Variants in FAXC observed in about 807,000 individuals in gnomAD.
FAXC encodes failed axon connections homolog, metaxin like GST domain containing, also known as failed axon connections homolog.
In FAXC, 10 loss-of-function variants were observed where a neutral mutation model predicts 41.9. That is an observed-to-expected ratio of 0.24 (90% CI 0.15 to 0.41). The LOEUF (loss-of-function observed/expected upper bound fraction) is 0.41, where lower values mean the gene tolerates loss of function less well. FAXC is among the 10% of genes least tolerant of loss of function. FAXC has a pLI of 1.00. For synonymous variants in FAXC, 183 were observed against 183.8 expected, an observed-to-expected ratio of 1.00 and a Z score of 0.03; for missense variants, 399 against 510.9, an observed-to-expected ratio of 0.78 and a Z score of 2.11.
At position 99,280,928 on chromosome 6, in the gene FAXC, G is replaced by C; in HGVS notation, c.*236C>G. On this transcript the variant is annotated 3_prime_UTR_variant, in exon 6 of 6. Coordinates refer to ENST00000389677, the MANE Select transcript of FAXC (RefSeq NM_032511.4). Reference sequence around the variant, plus strand: ...TAGTTTTCTAATGAAAACAAAAATGGATTTCAGGAACCATGCTGACATTAT... The same window carrying C: ...TAGTTTTCTAATGAAAACAAAAATGCATTTCAGGAACCATGCTGACATTAT... 2.2e-6 allele frequency: 1 copy of C among 450,998 alleles called. No homozygotes were observed. The highest frequency in any genetic ancestry group is 3.2e-5 in the South Asian group (1 of 31,396). 27.9% of individuals were successfully genotyped at this position (450,998 alleles called of 1,614,324 possible). A position where few individuals can be genotyped will look rare whatever the true frequency, so the allele number is the denominator to read the frequency against.
intron 4 of FAXC, among the ~76,000 whole-genome samples, chr6:99,292,607 G>A (rs1038551079): frequency 6.6e-6 from 1 of 152,174 alleles, no homozygotes; most frequent in African/African-American, 2.4e-5. Context: ...CTCACATCCT[G>A]GCATCACCGT....
At chr6:99,334,635 T>C (rs1276769380) in intron 2 of FAXC, 1 of 977,734 alleles carries the variant, frequency 1.0e-6, no homozygotes, top group Admixed American at 6.2e-5. Context: ...CAGATTTCTC[T>C]TGATGCCATC....
intron 4 of FAXC, among the ~76,000 whole-genome samples, chr6:99,298,043 GC>G (rs1456994892): frequency 6.6e-6 from 1 of 152,166 alleles, no homozygotes; most frequent in Non-Finnish European, 1.5e-5. Flanking sequence ...TGTTTAACAA[GC>G]TTTCGGGTCA....
chr6:99,288,307 T>C (rs1036920876), intron 5 of FAXC, among the ~76,000 whole-genome samples: 1 of 152,124 alleles, frequency 6.6e-6, no homozygotes, highest in African/African-American at 2.4e-5. Context: ...TAGGGATGTG[T>C]TTGGGTAGAA....
intron 4 of FAXC, among the ~76,000 whole-genome samples, chr6:99,322,210 C>T (rs1772619093): frequency 6.6e-6 from 1 of 152,146 alleles, no homozygotes; most frequent in Non-Finnish European, 1.5e-5. Context: ...AGCCCCCACC[C>T]CCAGAACATA....
chr6:99,311,492 T>C (rs1266665230), intron 4 of FAXC, among the ~76,000 whole-genome samples: 1 of 152,188 alleles, frequency 6.6e-6, no homozygotes, highest in Non-Finnish European at 1.5e-5. Flanking sequence ...GGAGAATTGC[T>C]TGAACTTGGG....
intron 5 of FAXC, among the ~76,000 whole-genome samples, chr6:99,285,210 A>ACATTTAGTACT (rs1441970789): frequency 6.6e-6 from 1 of 152,164 alleles, no homozygotes; most frequent in Non-Finnish European, 1.5e-5. Context: ...ACTCTATTCA[A>ACATTTAGTACT]CTATAATAAA....
chr6:99,298,660 A>G (rs1407562313), intron 4 of FAXC, among the ~76,000 whole-genome samples: 1 of 152,182 alleles, frequency 6.6e-6, no homozygotes, highest in Non-Finnish European at 1.5e-5. Flanking sequence ...TCTGGTACCT[A>G]TCACATAGGA....
intron 4 of FAXC, among the ~76,000 whole-genome samples, chr6:99,314,929 T>C (rs893056767): frequency 1.9e-4 from 29 of 152,234 alleles, no homozygotes; most frequent in South Asian, 2.1e-4. Flanking sequence ...TCTTTCAGAA[T>C]GCTGCTTAAA....
intron 3 of FAXC, among the ~76,000 whole-genome samples, chr6:99,332,097 G>T (rs1374012968): frequency 6.6e-6 from 1 of 152,182 alleles, no homozygotes; most frequent in Non-Finnish European, 1.5e-5. Context: ...TCTTTAGGGA[G>T]TGGTGGGTAG....
chr6:99,303,006 A>G (rs1771773204), intron 4 of FAXC, among the ~76,000 whole-genome samples: 3 of 152,232 alleles, frequency 2.0e-5, no homozygotes, highest in Admixed American at 2.0e-4. Context: ...TAAAAAATCA[A>G]AATCGTCTGA....
intron 5 of FAXC, among the ~76,000 whole-genome samples, chr6:99,288,847 G>GACACACACACACACACAC (rs11274408): frequency 2.9e-5 from 2 of 69,496 alleles, no homozygotes; most frequent in African/African-American, 1.9e-4. Context: ...CACATGAATC[G>GACACACACACACACACAC]ACACACACAC....
Position 99,349,443 on chromosome 6 carries a change from C to T in FAXC, c.-71G>A. 1.7e-6 allele frequency: 2 copies of T among 1,167,492 alleles called. No homozygotes were observed. The highest frequency in any genetic ancestry group is 3.0e-5 in the South Asian group (1 of 33,822). 72.3% of individuals were successfully genotyped at this position (1,167,492 alleles called of 1,614,324 possible). ...CGCATGGGAAGGGGCCGGCGCGGCCCGGCGCGGGCTCAGAGGCGCGCGGAG... is the reference window on the plus strand; with the variant it reads ...CGCATGGGAAGGGGCCGGCGCGGCCTGGCGCGGGCTCAGAGGCGCGCGGAG... On this transcript the variant is annotated 5_prime_UTR_variant, in exon 1 of 6. Transcript: ENST00000389677.
rs1358337091 is a variant in FAXC at position 99,274,584 on chromosome 6, C to T, written c.*6580G>A. On this transcript the variant is annotated 3_prime_UTR_variant, in exon 6 of 6. Transcript: ENST00000389677. ...CAGACATTTGGCATGATGTAGATCA[C>T]TGGGAAAAAAACATGTGTTTACAAT... 3 of 152,150 alleles carry T rather than the reference C, an allele frequency of 2.0e-5. No homozygotes were observed. The East Asian group carries it at 5.8e-4, about 29-fold the overall frequency. 9.4% of individuals were successfully genotyped at this position (152,150 alleles called of 1,614,324 possible).
intron 4 of FAXC, among the ~76,000 whole-genome samples, chr6:99,305,712 T>C (rs1234425125): frequency 4.9e-5 from 2 of 40,440 alleles, no homozygotes; most frequent in Non-Finnish European, 7.9e-5. Context: ...ATACATATTA[T>C]AACATATATA....
At chr6:99,317,857 A>C (rs573012603) in intron 4 of FAXC, among the ~76,000 whole-genome samples, 14 of 152,184 alleles carry the variant, frequency 9.2e-5, no homozygotes, top group Non-Finnish European at 2.1e-4. Context: ...TGATAACAGA[A>C]ATACTAAAAA....
At chr6:99,293,665 A>AGT (rs55827992) in intron 4 of FAXC, among the ~76,000 whole-genome samples, 15,834 of 123,040 alleles carry the variant, frequency 0.13, 1,282 homozygotes, top group Middle Eastern at 0.22. Flanking sequence ...CTCTATACAC[A>AGT]GTGTGTGTGT....
At chr6:99,323,877 C>T (rs1271846673) in intron 3 of FAXC, among the ~76,000 whole-genome samples, 1 of 152,100 alleles carries the variant, frequency 6.6e-6, no homozygotes, top group Non-Finnish European at 1.5e-5. Context: ...GGGAAAAAAT[C>T]CAGATAAAGA....
intron 4 of FAXC, among the ~76,000 whole-genome samples, chr6:99,302,122 T>C (rs1041866020): frequency 6.6e-6 from 1 of 152,148 alleles, no homozygotes; most frequent in African/African-American, 2.4e-5. Context: ...AGGATCTCCT[T>C]CCAAACTCAC....
Sources: gnomAD v4.1 joint callset for allele counts (sites outside exome capture counted in the v4.1 genomes callset) on GRCh38, gnomAD v4.1.1 for gene constraint, MANE v1.5 for transcripts, NCBI Gene and HGNC (gene_info 2026-07-23, HGNC 2026-07-21) for gene names.